The following RSPO3 variants were observed in gnomAD, a reference collection of about 807,000 sequenced individuals.
RSPO3 encodes the protein R-spondin-3.
In RSPO3, 17 loss-of-function variants were observed where a neutral mutation model predicts 36.5. That is an observed-to-expected ratio of 0.47 (90% CI 0.32 to 0.70). The LOEUF is 0.70. Among genes scored for constraint, RSPO3 ranks in the 30% least tolerant of loss-of-function variants. The probability of loss-of-function intolerance (pLI) is 0.04; values close to 1 mark genes in which losing one functional copy is unlikely to be tolerated. For missense variants in RSPO3, 294 were observed against 322.5 expected, an observed-to-expected ratio of 0.91 and a Z score of 0.68; for synonymous variants, 108 against 107.0, an observed-to-expected ratio of 1.01 and a Z score of -0.06.
chr6:127,185,706 A>G (rs184639223), intron 4 of RSPO3, among the ~76,000 whole-genome samples: 1 of 152,162 alleles, frequency 6.6e-6, no homozygotes, highest in African/African-American at 2.4e-5. Context: ...TTTTTCCCCC[A>G]TAGACCAATA....
At position 127,196,243 on chromosome 6, in the gene RSPO3, G is replaced by A; in HGVS notation, c.*236G>A. On this transcript the variant is annotated 3_prime_UTR_variant, in exon 5 of 5. Coordinates refer to ENST00000356698, the MANE Select transcript of RSPO3 (RefSeq NM_032784.5). ...TGTGTGCTTCTCTGCATTTTTAAAA[G>A]ACAAGACATTCTTGTACATATTATC... 1 of 303,860 alleles carries A rather than the reference G, an allele frequency of 3.3e-6. No individual in the cohort carries two copies. The highest frequency in any genetic ancestry group is 9.2e-4 in the Middle Eastern group (1 of 1,090). The allele number at this position is 303,860 out of a possible 1,614,324, so 18.8% of individuals were successfully genotyped here.
At chr6:127,192,167 A>G (rs757011974) in intron 4 of RSPO3, among the ~76,000 whole-genome samples, 9 of 152,170 alleles carry the variant, frequency 5.9e-5, no homozygotes, top group African/African-American at 2.2e-4. Flanking sequence ...CCCCAACAGG[A>G]CCTTGTACAC....
At chr6:127,123,947 T>C (rs1317603821) in intron 1 of RSPO3, among the ~76,000 whole-genome samples, 1 of 152,078 alleles carries the variant, frequency 6.6e-6, no homozygotes, top group Non-Finnish European at 1.5e-5. Context: ...TTATTAGACA[T>C]CTGATTATTT....
chr6:127,158,466 G>A (rs1424253576), intron 4 of RSPO3, among the ~76,000 whole-genome samples: 2 of 152,112 alleles, frequency 1.3e-5, no homozygotes, highest in East Asian at 1.9e-4. Context: ...CTCATATTTG[G>A]AAAAGGTAGG....
Position 127,178,890 on chromosome 6 carries a change from T to A in RSPO3, c.635-16933T>A, listed in dbSNP as rs1012576314. 7.2e-5 allele frequency among the ~76,000 whole-genome samples: 11 copies of A among 151,774 alleles called. No individual in the cohort carries two copies. In the East Asian group the frequency reaches 1.4e-3, roughly 19 times the overall value. On this transcript the variant is annotated intron_variant, in intron 4 of 4. Coordinates refer to ENST00000356698, the MANE Select transcript of RSPO3 (RefSeq NM_032784.5). ...GGCAAACCTTTCTGACCTCAGGAGG[T>A]TCTGATAGGAAGAACTGAAGCGGTG...
At chr6:127,168,179 C>A (rs969590678) in intron 4 of RSPO3, among the ~76,000 whole-genome samples, 2 of 152,132 alleles carry the variant, frequency 1.3e-5, no homozygotes, top group Non-Finnish European at 2.9e-5. Context: ...AATCGCCACA[C>A]TGTCTTCCAG....
chr6:127,154,549 T>C (rs1024867573), intron 3 of RSPO3, among the ~76,000 whole-genome samples: 2 of 152,178 alleles, frequency 1.3e-5, no homozygotes, highest in African/African-American at 2.4e-5. Flanking sequence ...GATGCCGCTA[T>C]GCCTGAACCA....
chr6:127,192,556 C>A (rs1361558937), intron 4 of RSPO3: 14 of 562,422 alleles, frequency 2.5e-5, no homozygotes, highest in Non-Finnish European at 3.2e-5. Flanking sequence ...AAATGTTACA[C>A]CATAGTGCTT....
At chr6:127,120,627 T>C (rs1361669645) in intron 1 of RSPO3, among the ~76,000 whole-genome samples, 2 of 152,224 alleles carry the variant, frequency 1.3e-5, no homozygotes, top group Non-Finnish European at 2.9e-5. Flanking sequence ...TGTTTGTCCC[T>C]GCCCTGCCCC....
intron 4 of RSPO3, chr6:127,192,717 G>A: frequency 2.0e-6 from 2 of 982,656 alleles, no homozygotes; most frequent in Non-Finnish European, 2.4e-6. Flanking sequence ...GCAGGTACGT[G>A]CGTGTACACA....
At chr6:127,119,423 G>C in intron 1 of RSPO3, 134 bp downstream of exon 1, 1 of 673,848 alleles carries the variant, frequency 1.5e-6, no homozygotes, top group Non-Finnish European at 2.6e-6. Context: ...TGCAGGTTCG[G>C]GCTTTGGGGG....
rs373110374 is a variant in RSPO3 at position 127,119,211 on chromosome 6, T to C, written c.19T>C (p.Ser7Pro). The stretch of plus-strand genomic sequence containing the variant: ...GGTTACTATGCACTTGCGACTGATT[T>C]CTTGGCTTTTTATCATTTTGAACTT... MHLRLI[S>P]WLFIILNFME... The change falls in exon 1 of 5, where the codon TCT (serine) becomes CCT (proline). Residue 7 changes from serine to proline, a missense_variant. Transcript: ENST00000356698. 9 of 1,613,536 alleles carry C rather than the reference T, an allele frequency of 5.6e-6. No homozygotes were observed. Among genetic ancestry groups the C allele is most frequent in the Non-Finnish European group, 6.8e-6 (8 of 1,179,652 alleles).
intron 4 of RSPO3, among the ~76,000 whole-genome samples, chr6:127,181,504 C>G (rs1385028050): frequency 6.6e-6 from 1 of 151,826 alleles, no homozygotes; most frequent in East Asian, 1.9e-4. Flanking sequence ...GATTCACACA[C>G]CCACACCCAG....
chr6:127,137,315 C>T (rs929857115), intron 1 of RSPO3, among the ~76,000 whole-genome samples: 4 of 152,138 alleles, frequency 2.6e-5, no homozygotes, highest in East Asian at 1.9e-4. Flanking sequence ...CTCTTGAACC[C>T]GGGAGGCAGA....
intron 1 of RSPO3, among the ~76,000 whole-genome samples, chr6:127,125,158 T>C (rs1417812245): frequency 6.6e-6 from 1 of 152,150 alleles, no homozygotes. Flanking sequence ...AGAAAATTCA[T>C]TGGTACTAAA....
At chr6:127,178,405 T>C (rs976092954) in intron 4 of RSPO3, among the ~76,000 whole-genome samples, 2 of 151,758 alleles carry the variant, frequency 1.3e-5, no homozygotes, top group African/African-American at 4.8e-5. Context: ...TAGGTATCCC[T>C]TCAAAGATTC....
At position 127,195,915 on chromosome 6, in the gene RSPO3, G is replaced by GAA; in HGVS notation, c.729_730dup (p.Ile244LysfsTer41). 6.2e-7 allele frequency: 1 copy of GAA among 1,613,356 alleles called. No homozygotes were observed. The highest frequency in any genetic ancestry group is 8.5e-7 in the Non-Finnish European group (1 of 1,179,536). On this transcript the variant is annotated frameshift_variant, in exon 5 of 5. Transcript: ENST00000356698. LOFTEE classifies it high-confidence loss of function. ...CAGCAAAAGTCTGGAATCCAGCAAA[G>GAA]AAATCCCAGAGCAACGAGAAAACAA...
intron 4 of RSPO3, among the ~76,000 whole-genome samples, chr6:127,156,488 T>C (rs1183253858): frequency 2.0e-5 from 3 of 152,186 alleles, no homozygotes; most frequent in Non-Finnish European, 2.9e-5. Flanking sequence ...AGTTATCTGG[T>C]GAGTCTATAA....
intron 1 of RSPO3, among the ~76,000 whole-genome samples, chr6:127,126,728 A>C (rs1044557988): frequency 3.9e-5 from 6 of 152,156 alleles, no homozygotes; most frequent in Non-Finnish European, 8.8e-5. Context: ...ATTTCTCTAC[A>C]AAGTATGCTC....
Sources: allele counts gnomAD v4.1 joint callset (sites outside exome capture counted in the v4.1 genomes callset), GRCh38; gene constraint gnomAD v4.1.1; transcripts MANE v1.5; gene names NCBI Gene and HGNC (gene_info 2026-07-23, HGNC 2026-07-21).